Variants in CD300E observed in about 807,000 individuals in gnomAD.
The protein encoded by CD300E is CMRF35-like molecule 2.
A neutral mutation model predicts 20.9 loss-of-function variants in CD300E; 14 were observed. The ratio of observed to expected loss-of-function variants is 0.67; its 90% CI spans 0.44 to 1.05. CD300E has a LOEUF of 1.05. Among genes scored for constraint, CD300E ranks in the 50% least tolerant of loss-of-function variants. The pLI is 0.00. For synonymous variants in CD300E, 102 were observed against 103.7 expected, an observed-to-expected ratio of 0.98 and a Z score of 0.10; for missense variants, 237 against 253.9, an observed-to-expected ratio of 0.93 and a Z score of 0.45.
At position 74,617,135 on chromosome 17, in the gene CD300E, CT is replaced by C. The variant is rs1568034777; in HGVS notation, c.370del (p.Arg124GlyfsTer26). 1.2e-6 allele frequency: 2 copies of C among 1,614,230 alleles called. No homozygotes were observed. The highest frequency in any genetic ancestry group is 1.7e-6 in the Non-Finnish European group (2 of 1,180,030). ...SWSRDPSDLV[R>X]VYVSPAITTP... is the part of the protein sequence containing the mutation. ...GCTCTTACCTGGGGAAACATACACC[CT>C]AACCAGGTCCGAGGGATCGCGTGAC... On this transcript the variant is annotated frameshift_variant, in exon 2 of 4. Coordinates refer to ENST00000392619, the MANE Select transcript of CD300E (RefSeq NM_181449.3). LOFTEE classifies it high-confidence loss of function.
rs2030740269 is a variant in CD300E at position 74,609,967 on chromosome 17, G to T, written c.*2686C>A. On this transcript the variant is annotated 3_prime_UTR_variant, in exon 4 of 4. Transcript: ENST00000392619. ...GAATAGGGGAAAAAAAGGGAGTAAG[G>T]GAGAAGGGAAAATTCAAAGCATGGA... is the stretch of plus-strand genomic sequence containing the variant. The T allele has an allele frequency of 6.6e-6, 1 of 152,192 alleles. No homozygotes were observed. The highest frequency in any genetic ancestry group is 1.5e-5 in the Non-Finnish European group (1 of 68,024). 9.4% of individuals were successfully genotyped at this position (152,192 alleles called of 1,614,324 possible). A position where few individuals can be genotyped will look rare whatever the true frequency, so the allele number is the denominator to read the frequency against.
chr17:74,616,864 C>T (rs76314686), intron 2 of CD300E, among the ~76,000 whole-genome samples: 1,640 of 152,250 alleles, frequency 0.011, 15 homozygotes, highest in Non-Finnish European at 0.018. Context: ...CATGAAGGGG[C>T]CTCCTCCACG....
At chr17:74,621,733 T>A (rs1283263963) in intron 1 of CD300E, among the ~76,000 whole-genome samples, 4 of 152,216 alleles carry the variant, frequency 2.6e-5, no homozygotes. Flanking sequence ...CCATGGCCAA[T>A]GGAAAGAGCT....
chr17:74,618,239 G>A (rs960178520), intron 1 of CD300E, among the ~76,000 whole-genome samples: 20 of 152,230 alleles, frequency 1.3e-4, no homozygotes, highest in African/African-American at 4.8e-4. Context: ...AGAAGTTCAG[G>A]CATTATGGGA....
In CD300E at chr17:74,614,080, C is replaced by T. The variant is rs773434532; in HGVS notation, c.389-47G>A. On this transcript the variant is annotated intron_variant, in intron 2 of 3. Coordinates refer to ENST00000392619, the MANE Select transcript of CD300E (RefSeq NM_181449.3). ...CATCAGCCGTGCCTGGGCTCCCAGCCATGCACAGAACACCCGTATGGATGT... is the reference window on the plus strand; with the variant it reads ...CATCAGCCGTGCCTGGGCTCCCAGCTATGCACAGAACACCCGTATGGATGT... 5.9e-5 allele frequency: 84 copies of T among 1,435,768 alleles called. No individual in the cohort carries two copies. In the Admixed American group the frequency reaches 7.2e-4, roughly 12 times the overall value. The allele number at this position is 1,435,768 out of a possible 1,614,324, so 88.9% of individuals were successfully genotyped here.
Position 74,612,233 on chromosome 17 carries a change from CTCTCTCTCTCTCTG to C in CD300E, c.*406_*419del, listed in dbSNP as rs1362763169. 1.6e-5 allele frequency: 2 copies of C among 125,074 alleles called. No individual in the cohort carries two copies. The highest frequency in any genetic ancestry group is 8.7e-5 in the African/African-American group (2 of 22,892). The allele number at this position is 125,074 out of a possible 1,614,324, so 7.7% of individuals were successfully genotyped here. A position where few individuals can be genotyped will look rare whatever the true frequency, so the allele number is the denominator to read the frequency against. ...TCTCTCTCTCTCTCTCGCTCTCTCT[CTCTCTCTCTCTCTG>C]TCTCTCTCTCTCTCTCTCTCTCTCT... On this transcript the variant is annotated 3_prime_UTR_variant, in exon 4 of 4. Coordinates refer to ENST00000392619, the MANE Select transcript of CD300E (RefSeq NM_181449.3).
intron 3 of CD300E, 113 bp from the exon 4 acceptor site, chr17:74,612,886 C>T: frequency 2.1e-6 from 3 of 1,443,338 alleles, no homozygotes; most frequent in Non-Finnish European, 2.8e-6. Flanking sequence ...CAGGAGCAGC[C>T]AGGGAAAGGA....
At position 74,611,901 on chromosome 17, in the gene CD300E, AG is replaced by A. The variant is rs1372216806; in HGVS notation, c.*751del. 1.3e-5 allele frequency: 2 copies of A among 152,340 alleles called. No individual in the cohort carries two copies. The highest frequency in any genetic ancestry group is 2.9e-5 in the Non-Finnish European group (2 of 68,144). 9.4% of individuals were successfully genotyped at this position (152,340 alleles called of 1,614,324 possible). On this transcript the variant is annotated 3_prime_UTR_variant, in exon 4 of 4. Coordinates refer to ENST00000392619, the MANE Select transcript of CD300E (RefSeq NM_181449.3). ...GTTACAGGGAGAGAAGGGGCCTTAA[AG>A]CCAGGGAGACCCAAGGGGCGTCAGA... is the stretch of plus-strand genomic sequence containing the variant.
At chr17:74,619,183 A>G (rs1357093915) in intron 1 of CD300E, 3 of 469,334 alleles carry the variant, frequency 6.4e-6, no homozygotes, top group Non-Finnish European at 1.3e-5. Flanking sequence ...AGAGCTCAGG[A>G]CTGCATTTCC....
At chr17:74,620,091 C>G (rs1226607464) in intron 1 of CD300E, among the ~76,000 whole-genome samples, 1 of 152,256 alleles carries the variant, frequency 6.6e-6, no homozygotes, top group Non-Finnish European at 1.5e-5. Context: ...GTAATCCCAG[C>G]ACTTTGGGAG....
rs1472948703 is a variant in CD300E, at chr17:74,610,476, A to T, written c.*2177T>A. 2 of 152,246 alleles carry T rather than the reference A, an allele frequency of 1.3e-5. No individual in the cohort carries two copies. Among genetic ancestry groups the T allele is most frequent in the East Asian group, 1.9e-4 (1 of 5,196 alleles). 9.4% of individuals were successfully genotyped at this position (152,246 alleles called of 1,614,324 possible). A position where few individuals can be genotyped will look rare whatever the true frequency, so the allele number is the denominator to read the frequency against. On this transcript the variant is annotated 3_prime_UTR_variant, in exon 4 of 4. Transcript: ENST00000392619. ...AAACACACAGAAAACTAAGCTCTGC[A>T]TCATCCAAGCCTGCTCTTGACTTTC...
intron 1 of CD300E, chr17:74,619,145 C>T: frequency 2.1e-6 from 1 of 471,274 alleles, no homozygotes; most frequent in East Asian, 7.0e-5. Context: ...TGGCACATCC[C>T]AGCAGCACCT....
chr17:74,613,829 G>A (rs2030836186), intron 3 of CD300E, 96 bp downstream of exon 3: 3 of 709,690 alleles, frequency 4.2e-6, no homozygotes, highest in Non-Finnish European at 5.0e-6. Flanking sequence ...AGAAACAGCA[G>A]ACAGTGACGA....
rs541806723 is a variant in CD300E at position 74,619,085 on chromosome 17, G to T, written c.41-1620C>A. The T allele has an allele frequency of 2.7e-4, 127 of 471,224 alleles. No individual in the cohort carries two copies. The Middle Eastern group carries it at 3.6e-3, about 13-fold the overall frequency. 29.2% of individuals were successfully genotyped at this position (471,224 alleles called of 1,614,324 possible). A position where few individuals can be genotyped will look rare whatever the true frequency, so the allele number is the denominator to read the frequency against. The stretch of plus-strand genomic sequence containing the variant: ...TGCACACCCCTCCTGAGATTTGAGA[G>T]CTGGTCCTCACCTCCTCCCTTCCAC... On this transcript the variant is annotated intron_variant, in intron 1 of 3. Coordinates refer to ENST00000392619, the MANE Select transcript of CD300E (RefSeq NM_181449.3).
At chr17:74,616,503 G>A (rs2030902806) in intron 2 of CD300E, among the ~76,000 whole-genome samples, 1 of 152,140 alleles carries the variant, frequency 6.6e-6, no homozygotes, top group African/African-American at 2.4e-5. Context: ...TCCGTTGAAT[G>A]AGGGGGAGCA....
chr17:74,614,176 G>A lies in CD300E; in HGVS notation c.389-143C>T, dbSNP rs143378566. On this transcript the variant is annotated intron_variant, in intron 2 of 3. Coordinates refer to ENST00000392619, the MANE Select transcript of CD300E (RefSeq NM_181449.3). Reference sequence around the variant, plus strand: ...AAGCCAGATCCAGGGCACCTCCTGGGTGAAACCCCTCAGGGACAAAAAGAG... The same window carrying A: ...AAGCCAGATCCAGGGCACCTCCTGGATGAAACCCCTCAGGGACAAAAAGAG... 5.4e-4 allele frequency: 361 copies of A among 664,988 alleles called. 1 individual carries two copies. The African/African-American group carries it at 5.5e-3, about 10-fold the overall frequency. The allele number at this position is 664,988 out of a possible 1,614,324, so 41.2% of individuals were successfully genotyped here.
At chr17:74,619,524 C>A (rs76881149) in intron 1 of CD300E, among the ~76,000 whole-genome samples, 2 of 152,122 alleles carry the variant, frequency 1.3e-5, no homozygotes, top group Admixed American at 6.6e-5. Context: ...GCTTTCTCCT[C>A]TGGAATCTGT....
intron 2 of CD300E, among the ~76,000 whole-genome samples, chr17:74,616,611 C>A (rs773042668): frequency 6.6e-5 from 10 of 151,980 alleles, no homozygotes; most frequent in Non-Finnish European, 1.3e-4. Context: ...AGTCATAGGG[C>A]GGAAGTTGTG....
chr17:74,612,224 GCTCT>G lies in CD300E; in HGVS notation c.*425_*428del, dbSNP rs1216264497. 2.6e-3 allele frequency: 243 copies of G among 94,982 alleles called. No individual in the cohort carries two copies. Among genetic ancestry groups the G allele is most frequent in the African/African-American group, 9.8e-3 (159 of 16,302 alleles). The allele number at this position is 94,982 out of a possible 1,614,324, so 5.9% of individuals were successfully genotyped here. A position where few individuals can be genotyped will look rare whatever the true frequency, so the allele number is the denominator to read the frequency against. On this transcript the variant is annotated 3_prime_UTR_variant, in exon 4 of 4. Transcript: ENST00000392619. ...TTTTCTCTCTCTCTCTCTCTCTCTCGCTCTCTCTCTCTCTCTCTCTCTGTCTCTC... is the reference window on the plus strand; with the variant it reads ...TTTTCTCTCTCTCTCTCTCTCTCTCGCTCTCTCTCTCTCTCTCTGTCTCTC...
Sources: gnomAD v4.1 joint callset for allele counts (sites outside exome capture counted in the v4.1 genomes callset) on GRCh38, gnomAD v4.1.1 for gene constraint, MANE v1.5 for transcripts, NCBI Gene and HGNC (gene_info 2026-07-23, HGNC 2026-07-21) for gene names.